SLC18A2: variants seen among roughly 807,000 people sequenced by gnomAD.
SLC18A2 encodes the protein synaptic vesicular amine transporter.
A neutral mutation model predicts 59.2 loss-of-function variants in SLC18A2; 33 were observed. The observed-to-expected ratio is 0.56, with a 90% CI of 0.42 to 0.75. The LOEUF (loss-of-function observed/expected upper bound fraction) is 0.75. SLC18A2 is among the 30% of genes least tolerant of loss of function. SLC18A2 has a pLI of 0.00. For missense variants in SLC18A2, 569 were observed against 668.6 expected, an observed-to-expected ratio of 0.85 and a Z score of 1.64; for synonymous variants, 228 against 253.5, an observed-to-expected ratio of 0.90 and a Z score of 0.95.
intron 10 of SLC18A2, among the ~76,000 whole-genome samples, chr10:117,259,308 G>GA (rs1252411760): frequency 2.0e-5 from 3 of 152,222 alleles, no homozygotes; most frequent in African/African-American, 7.2e-5. Context: ...TGGCAAAGAT[G>GA]AAAAATTCTC....
chr10:117,271,067 A>G (rs1431615102), intron 15 of SLC18A2, among the ~76,000 whole-genome samples: 1 of 152,246 alleles, frequency 6.6e-6, no homozygotes, highest in Non-Finnish European at 1.5e-5. Context: ...AAATTAATTG[A>G]TTCAAAATTT....
At chr10:117,264,431 G>A (rs1026584510) in intron 10 of SLC18A2, among the ~76,000 whole-genome samples, 1 of 152,192 alleles carries the variant, frequency 6.6e-6, no homozygotes, top group Non-Finnish European at 1.5e-5. Flanking sequence ...AGCCGAGATC[G>A]TGCCATTGCA....
At chr10:117,257,969 T>C (rs1305128570) in intron 10 of SLC18A2, 77 bp downstream of exon 10, 1 of 960,698 alleles carries the variant, frequency 1.0e-6, no homozygotes, top group Non-Finnish European at 1.6e-6. Flanking sequence ...GCATCCCTGC[T>C]GAGTTGCCCT....
intron 3 of SLC18A2, 42 bp downstream of exon 3, chr10:117,244,355 C>G (rs761758099): frequency 6.6e-7 from 1 of 1,516,222 alleles, no homozygotes; most frequent in Non-Finnish European, 9.0e-7. Flanking sequence ...ATATTTGTAT[C>G]AGTCCTAGCT....
rs1276712232 is a variant in SLC18A2 at position 117,269,002 on chromosome 10, A to T, written c.1187-1069A>T. On this transcript the variant is annotated intron_variant, in intron 13 of 15. Transcript: ENST00000644641. The surrounding 1 kb of genome is among the most constrained non-coding windows in gnomAD (Gnocchi z 5.1). ...CACACACATTCATACACACAAACAC[A>T]CATACACACACTGACACACGCATAC... Among the ~76,000 whole-genome samples the T allele has an allele frequency of 6.7e-6, 1 of 148,652 alleles. No individual in the cohort carries two copies. The highest frequency in any genetic ancestry group is 1.5e-5 in the Non-Finnish European group (1 of 65,986).
intron 10 of SLC18A2, among the ~76,000 whole-genome samples, chr10:117,260,638 G>T (rs1210487608): frequency 1.3e-5 from 2 of 152,110 alleles, no homozygotes; most frequent in African/African-American, 2.4e-5. Flanking sequence ...TCTTTTTAAT[G>T]GTTGCATATT....
At chr10:117,260,253 C>T (rs1372569041) in intron 10 of SLC18A2, among the ~76,000 whole-genome samples, 1 of 152,182 alleles carries the variant, frequency 6.6e-6, no homozygotes, top group Non-Finnish European at 1.5e-5. Context: ...CTAGGGGCCC[C>T]ACTGCTCTTA....
chr10:117,244,916 C>T (rs1426027870), intron 3 of SLC18A2, among the ~76,000 whole-genome samples: 1 of 152,242 alleles, frequency 6.6e-6, no homozygotes, highest in African/African-American at 2.4e-5. Flanking sequence ...AGGAAGAGAA[C>T]TGAGGCTGTT....
intron 3 of SLC18A2, among the ~76,000 whole-genome samples, chr10:117,249,087 C>T (rs989109803): frequency 2.6e-5 from 4 of 152,176 alleles, no homozygotes; most frequent in African/African-American, 9.7e-5. Context: ...CTAGCTTCAG[C>T]CAGTGGGTCT....
At chr10:117,255,173 T>C (rs1304635445) in intron 6 of SLC18A2, 104 bp from the exon 7 acceptor site, 13 of 1,127,670 alleles carry the variant, frequency 1.2e-5, no homozygotes, top group African/African-American at 1.5e-5. Flanking sequence ...CAAAGCCTTA[T>C]TGGAACAAAG....
intron 2 of SLC18A2, among the ~76,000 whole-genome samples, chr10:117,242,679 C>A (rs180821826): frequency 1.6e-4 from 24 of 152,222 alleles, no homozygotes; most frequent in Admixed American, 7.9e-4. Flanking sequence ...CTCACAGCTT[C>A]GATTATATGT....
chr10:117,258,368 G>A (rs1844253811), intron 10 of SLC18A2, among the ~76,000 whole-genome samples: 1 of 152,106 alleles, frequency 6.6e-6, no homozygotes, highest in African/African-American at 2.4e-5. Flanking sequence ...CCCATCTCCT[G>A]TGATATTCAT....
chr10:117,241,786 G>A lies in SLC18A2; in HGVS notation c.93G>A (p.Leu31=), dbSNP rs752986575. 2 of 1,611,006 alleles carry A rather than the reference G, an allele frequency of 1.2e-6. No individual in the cohort carries two copies. The highest frequency in any genetic ancestry group is 1.7e-6 in the Non-Finnish European group (2 of 1,179,080). The change falls in exon 2 of 16, where the codon CTG becomes CTA. Residue 31 remains leucine (L), a synonymous_variant. Coordinates refer to ENST00000644641, the MANE Select transcript of SLC18A2 (RefSeq NM_003054.6). The stretch of plus-strand genomic sequence containing the variant: ...TGTTCATCGTGTTCCTGGCGCTGCT[G>A]CTGGACAACATGCTGCTCACTGTCG... ...LILFIVFLAL[L]LDNMLLTVVV... is the part of the protein sequence containing the mutation.
Position 117,270,405 on chromosome 10 carries a change from T to C in SLC18A2, c.1382T>C (p.Ile461Thr). 1.2e-6 allele frequency: 2 copies of C among 1,614,156 alleles called. No individual in the cohort carries two copies. The highest frequency in any genetic ancestry group is 8.5e-7 in the Non-Finnish European group (1 of 1,180,022). ...WLMTIIGIID[I>T]LFAPLCFFLR... The stretch of plus-strand genomic sequence containing the variant: ...ATGACAATTATTGGGATAATTGATA[T>C]TCTTTTTGCCCCTCTCTGCTTTTTT... The change falls in exon 15 of 16, where the codon ATT (isoleucine) becomes ACT (threonine). Residue 461 changes from isoleucine to threonine, a missense_variant. Coordinates refer to ENST00000644641, the MANE Select transcript of SLC18A2 (RefSeq NM_003054.6).
intron 9 of SLC18A2, among the ~76,000 whole-genome samples, chr10:117,257,291 G>A (rs561052355): frequency 5.3e-5 from 8 of 151,406 alleles, no homozygotes; most frequent in African/African-American, 1.5e-4. Context: ...GCTGAACCCC[G>A]CCCCCTCCAC....
chr10:117,245,082 G>A (rs1296642610), intron 3 of SLC18A2, among the ~76,000 whole-genome samples: 6 of 152,178 alleles, frequency 3.9e-5, no homozygotes, highest in Non-Finnish European at 8.8e-5. Flanking sequence ...TGCCTGGTCC[G>A]TGGGGGCTCA....
rs1844397225 is a variant in SLC18A2, at chr10:117,269,365, TAGAC to T, written c.1187-704_1187-701del. On this transcript the variant is annotated intron_variant, in intron 13 of 15. Transcript: ENST00000644641. This position sits in a 1 kb window ranked among gnomAD's most constrained non-coding sequence, Gnocchi z 5.1. Reference sequence around the variant, plus strand: ...ACACACATGCATACACACATATACATAGACATACACAGATACATATATACATATA... The same window carrying T: ...ACACACATGCATACACACATATACATATACACAGATACATATATACATATA... Among the ~76,000 whole-genome samples the T allele has an allele frequency of 6.6e-6, 1 of 151,978 alleles. No homozygotes were observed. The highest frequency in any genetic ancestry group is 1.5e-5 in the Non-Finnish European group (1 of 67,988).
At position 117,255,699 on chromosome 10, in the gene SLC18A2, G is replaced by T. The variant is rs758538471; in HGVS notation, c.895+42G>T. On this transcript the variant is annotated intron_variant, in intron 9 of 15. Coordinates refer to ENST00000644641, the MANE Select transcript of SLC18A2 (RefSeq NM_003054.6). ...CTTCTGAGTCAGGGGAATGCGAGGTGATGGCCGCGTGCTGGAGGCAGGGGT... is the reference window on the plus strand; with the variant it reads ...CTTCTGAGTCAGGGGAATGCGAGGTTATGGCCGCGTGCTGGAGGCAGGGGT... The T allele has an allele frequency of 2.5e-5, 39 of 1,587,638 alleles. 1 individual carries two copies. In the Admixed American group the frequency reaches 5.1e-4, roughly 21 times the overall value.
intron 15 of SLC18A2, 105 bp downstream of exon 15, chr10:117,270,568 G>A (rs915414224): frequency 7.5e-7 from 1 of 1,329,600 alleles, no homozygotes; most frequent in Non-Finnish European, 1.0e-6. Context: ...CATAAATGGT[G>A]AGAATTCCTT....
Sources: allele counts gnomAD v4.1 joint callset (sites outside exome capture counted in the v4.1 genomes callset), GRCh38; gene constraint gnomAD v4.1.1; non-coding constraint Gnocchi (gnomAD v3.1); transcripts MANE v1.5; gene names NCBI Gene and HGNC (gene_info 2026-07-23, HGNC 2026-07-21).